SERPINA5: variants seen among roughly 807,000 people sequenced by gnomAD.
SERPINA5 encodes the protein plasma serine protease inhibitor.
Under a neutral mutation model 25.3 loss-of-function variants are expected in SERPINA5, and 25 were observed. The observed-to-expected ratio is 0.99, with a 90% confidence interval of 0.72 to 1.38. The LOEUF (loss-of-function observed/expected upper bound fraction) is 1.38. Among genes scored for constraint, SERPINA5 ranks in the 40% most tolerant of loss-of-function variants. The pLI, the probability that SERPINA5 is intolerant of heterozygous loss-of-function variation, is 0.00. For missense variants in SERPINA5, 599 were observed against 509.5 expected (o/e 1.18, Z -1.69); for synonymous variants, 234 against 206.2 (o/e 1.14, Z -1.16).
chr14:94,590,382 G>T (rs1177738196), intron 4 of SERPINA5, 71 bp downstream of exon 4: 4 of 1,508,758 alleles, frequency 2.7e-6, no homozygotes, highest in Non-Finnish European at 3.6e-6. Context: ...CCCTACCAGG[G>T]CCACACAGCA....
At chr14:94,591,915 C>A in intron 5 of SERPINA5, 142 bp from the exon 6 acceptor site, 1 of 898,286 alleles carries the variant, frequency 1.1e-6, no homozygotes, top group Non-Finnish European at 1.7e-6. Context: ...GTAGCTGCTC[C>A]ATTGTTCCAT....
intron 3 of SERPINA5, among the ~76,000 whole-genome samples, chr14:94,589,223 G>A (rs2070002): frequency 0.073 from 11,040 of 152,164 alleles, 496 homozygotes; most frequent in Middle Eastern, 0.14. Context: ...GAGATGGGCA[G>A]ATCACCTGAG....
intron 2 of SERPINA5, among the ~76,000 whole-genome samples, chr14:94,585,725 A>C (rs542267331): frequency 6.6e-6 from 1 of 151,274 alleles, no homozygotes; most frequent in African/African-American, 2.4e-5. Flanking sequence ...GGCCCTCTGC[A>C]CCTGGTAATT....
At chr14:94,588,099 G>T (rs965061134) in intron 3 of SERPINA5, 118 bp downstream of exon 3, 11 of 1,327,682 alleles carry the variant, frequency 8.3e-6, no homozygotes, top group African/African-American at 1.5e-5. Context: ...TCTTTTGGGT[G>T]CCTGTTGAGA....
intron 3 of SERPINA5, among the ~76,000 whole-genome samples, chr14:94,589,806 C>A (rs1167053931): frequency 2.6e-5 from 4 of 152,128 alleles, no homozygotes; most frequent in African/African-American, 4.8e-5. Context: ...TGAAAACCAA[C>A]CTCCTTGTTT....
At chr14:94,589,723 C>G (rs1389397920) in intron 3 of SERPINA5, among the ~76,000 whole-genome samples, 3 of 152,210 alleles carry the variant, frequency 2.0e-5, no homozygotes, top group Non-Finnish European at 4.4e-5. Context: ...TCACCCTCTT[C>G]ACTTGGAGAT....
intron 2 of SERPINA5, among the ~76,000 whole-genome samples, chr14:94,582,708 C>A (rs1884952503): frequency 1.3e-5 from 2 of 152,186 alleles, no homozygotes; most frequent in African/African-American, 4.8e-5. Context: ...CTCCTGACTG[C>A]AAGCTCTTGA....
chr14:94,591,636 A>G (rs144404524), intron 5 of SERPINA5, among the ~76,000 whole-genome samples: 1,105 of 83,962 alleles, frequency 0.013, 3 homozygotes, highest in Non-Finnish European at 0.021. Context: ...CTCTTTTCCC[A>G]CAAGTAGTGA....
chr14:94,588,023 C>G lies in SERPINA5; in HGVS notation c.619+42C>G, dbSNP rs377084140. 2.9e-5 allele frequency: 46 copies of G among 1,578,656 alleles called. No individual in the cohort carries two copies. The African/African-American group carries it at 5.8e-4, about 20-fold the overall frequency. ...CAAACCTGCACTTTCTTTGGCTTTTCTGCTGCTTTTATCTAAAGAATACCC... is the reference window on the plus strand; with the variant it reads ...CAAACCTGCACTTTCTTTGGCTTTTGTGCTGCTTTTATCTAAAGAATACCC... On this transcript the variant is annotated intron_variant, in intron 3 of 5. Coordinates refer to ENST00000329597, the MANE Select transcript of SERPINA5 (RefSeq NM_000624.6).
At chr14:94,582,970 G>C (rs1189108707) in intron 2 of SERPINA5, among the ~76,000 whole-genome samples, 1 of 152,152 alleles carries the variant, frequency 6.6e-6, no homozygotes, top group Non-Finnish European at 1.5e-5. Flanking sequence ...TTGGGGGAGG[G>C]TTCCAGTAGA....
At chr14:94,590,350 C>G (rs753539285) in intron 4 of SERPINA5, 39 bp downstream of exon 4, 7 of 1,553,616 alleles carry the variant, frequency 4.5e-6, no homozygotes, top group Non-Finnish European at 6.1e-6. Context: ...TAAACCCACA[C>G]AGCCCCAGGG....
intron 2 of SERPINA5, among the ~76,000 whole-genome samples, chr14:94,583,657 G>A (rs1281234847): frequency 6.6e-6 from 1 of 152,202 alleles, no homozygotes; most frequent in Non-Finnish European, 1.5e-5. Flanking sequence ...TTTCGGGGAT[G>A]GTGGTGGGCC....
chr14:94,588,255 T>C (rs578223775), intron 3 of SERPINA5, among the ~76,000 whole-genome samples: 111 of 152,232 alleles, frequency 7.3e-4, no homozygotes, highest in Non-Finnish European at 9.3e-4. Flanking sequence ...AAGCCCCAGC[T>C]TTCTACAGGC....
chr14:94,592,059 G>A lies in SERPINA5; in HGVS notation c.1041G>A (p.Met347Ile). The A allele has an allele frequency of 6.2e-7, 1 of 1,611,946 alleles. No homozygotes were observed. The highest frequency in any genetic ancestry group is 8.5e-7 in the Non-Finnish European group (1 of 1,178,872). The change falls in exon 6 of 6, where the codon ATG becomes ATA. Residue 347 changes from methionine (M) to isoleucine (I), a missense_variant and splice_region_variant. Transcript: ENST00000329597. ...GATGCCTGGTGTCTCCCCTGCAGAT[G>A]GTGCACAAAGCTGTGGTGGAGGTGG... is the stretch of plus-strand genomic sequence containing the variant. ...SNHSNIQVSE[M>I]VHKAVVEVDE...
chr14:94,587,006 ACAGAG>A, intron 2 of SERPINA5: 1 of 207,292 alleles, frequency 4.8e-6, no homozygotes, highest in Non-Finnish European at 9.5e-6. Flanking sequence ...TGCTGATGAG[ACAGAG>A]CAGAGCAGAG....
chr14:94,586,171 C>A (rs2069959), intron 2 of SERPINA5, among the ~76,000 whole-genome samples: 2 of 152,058 alleles, frequency 1.3e-5, no homozygotes, highest in African/African-American at 4.8e-5. Flanking sequence ...GACTGAAGGC[C>A]AAGGCCACGT....
chr14:94,582,444 G>A (rs1884945786), intron 2 of SERPINA5: 1 of 152,216 alleles, frequency 6.6e-6, no homozygotes, highest in Admixed American at 6.5e-5. Flanking sequence ...GCAACTTTAT[G>A]AATAGCAGTC....
chr14:94,587,819 T>C lies in SERPINA5; in HGVS notation c.457T>C (p.Tyr153His). Residue 153 changes from tyrosine to histidine, a missense_variant, in exon 3 of 6, where the codon TAC becomes CAC. Transcript: ENST00000329597. Reference sequence around the variant, plus strand: ...CTTCGTAAGTGCCATGAAGACGCTGTACCTGGCAGACACTTTCCCTACCAA... The same window carrying C: ...CTTCGTAAGTGCCATGAAGACGCTGCACCTGGCAGACACTTTCCCTACCAA... ...DTFVSAMKTL[Y>H]LADTFPTNFR... The C allele has an allele frequency of 6.2e-7, 1 of 1,613,964 alleles. No individual in the cohort carries two copies. The highest frequency in any genetic ancestry group is 1.1e-5 in the South Asian group (1 of 91,072).
At chr14:94,591,931 A>T in intron 5 of SERPINA5, 126 bp from the exon 6 acceptor site, 1 of 1,056,082 alleles carries the variant, frequency 9.5e-7, no homozygotes, top group Non-Finnish European at 1.4e-6. Context: ...TCCATTTCCT[A>T]CTTGCTCCAT....
Sources: gnomAD v4.1 joint callset for allele counts (sites outside exome capture counted in the v4.1 genomes callset) on GRCh38, gnomAD v4.1.1 for gene constraint, MANE v1.5 for transcripts, NCBI Gene and HGNC (gene_info 2026-07-23, HGNC 2026-07-21) for gene names.